The following SHISA6 variants were observed in gnomAD, a reference collection of about 807,000 sequenced individuals.
SHISA6 encodes shisa family member 6.
SHISA6 carries 22 observed loss-of-function variants against 47.9 expected under a neutral mutation model. That is an observed-to-expected ratio of 0.46 (90% confidence interval 0.33 to 0.66). The LOEUF is 0.66. Ranked by LOEUF, SHISA6 falls within the 30% of genes least tolerant of loss-of-function variation. The probability of loss-of-function intolerance (pLI) is 0.02; values close to 1 mark genes in which losing one functional copy is unlikely to be tolerated. For missense variants in SHISA6, 680 were observed against 764.6 expected (o/e 0.89, Z 1.30); for synonymous variants, 388 against 337.8 (o/e 1.15, Z -1.63).
chr17:11,276,812 T>C (rs1400035082), intron 2 of SHISA6, among the ~76,000 whole-genome samples: 5 of 152,180 alleles, frequency 3.3e-5, no homozygotes, highest in Non-Finnish European at 7.3e-5. Context: ...GTTGCCAATA[T>C]TATGACTCTT....
At chr17:11,430,465 C>G (rs1914737193) in intron 3 of SHISA6, among the ~76,000 whole-genome samples, 1 of 152,192 alleles carries the variant, frequency 6.6e-6, no homozygotes, top group African/African-American at 2.4e-5. Context: ...CCACAATGAA[C>G]ATGTTGCACG....
At chr17:11,439,908 A>G (rs556024452) in intron 3 of SHISA6, among the ~76,000 whole-genome samples, 2 of 151,978 alleles carry the variant, frequency 1.3e-5, no homozygotes, top group South Asian at 2.1e-4. Flanking sequence ...GAGGACATTC[A>G]CTCTCTATTT....
chr17:11,342,647 C>T (rs1449585185), intron 2 of SHISA6, among the ~76,000 whole-genome samples: 9 of 152,152 alleles, frequency 5.9e-5, no homozygotes, highest in Admixed American at 5.9e-4. Flanking sequence ...AGGATTGTCC[C>T]AAAATAAACA....
intron 3 of SHISA6, among the ~76,000 whole-genome samples, chr17:11,536,021 T>G (rs182173591): frequency 7.2e-4 from 110 of 151,910 alleles, no homozygotes; most frequent in African/African-American, 2.0e-3. Context: ...TAGATATATA[T>G]AGAGAGAGAA....
chr17:11,298,496 C>T (rs141267224), intron 2 of SHISA6, among the ~76,000 whole-genome samples: 1 of 152,324 alleles, frequency 6.6e-6, no homozygotes, highest in Non-Finnish European at 1.5e-5. Flanking sequence ...AGCCTGGAGC[C>T]TGTTGGACAT....
intron 5 of SHISA6, among the ~76,000 whole-genome samples, chr17:11,557,308 AT>A (rs2071991009): frequency 6.6e-6 from 1 of 152,232 alleles, no homozygotes; most frequent in African/African-American, 2.4e-5. Context: ...AGTAAGACAG[AT>A]AGTCATTCTG....
intron 2 of SHISA6, among the ~76,000 whole-genome samples, chr17:11,290,964 T>G (rs1909514476): frequency 6.6e-6 from 1 of 151,758 alleles, no homozygotes; most frequent in African/African-American, 2.4e-5. Flanking sequence ...TCTGCTAGGT[T>G]CCATTTATTA....
chr17:11,459,729 T>C (rs1915649648), intron 3 of SHISA6, among the ~76,000 whole-genome samples: 3 of 152,222 alleles, frequency 2.0e-5, no homozygotes, highest in Admixed American at 1.3e-4. Flanking sequence ...AGTCTGTATA[T>C]GAAACACAGA....
chr17:11,371,106 GCT>G (rs1912618233), intron 2 of SHISA6, among the ~76,000 whole-genome samples: 1 of 152,216 alleles, frequency 6.6e-6, no homozygotes, highest in South Asian at 2.1e-4. Context: ...CCCAGTTGCT[GCT>G]CTCTGGAGAT....
At chr17:11,455,515 G>T (rs989565307) in intron 3 of SHISA6, among the ~76,000 whole-genome samples, 2 of 150,822 alleles carry the variant, frequency 1.3e-5, no homozygotes, top group African/African-American at 4.9e-5. Flanking sequence ...ATGGAAGTGT[G>T]TGTACAAGCG....
intron 2 of SHISA6, among the ~76,000 whole-genome samples, chr17:11,292,739 G>A (rs1909596950): frequency 6.6e-6 from 1 of 151,884 alleles, no homozygotes; most frequent in African/African-American, 2.4e-5. Context: ...TCCTTCCGGT[G>A]GGATACATAA....
rs1038670980 is a variant in SHISA6 at position 11,422,706 on chromosome 17, T to C, written c.895+43197T>C. Reference sequence around the variant, plus strand: ...GGAACCCATGAGGCAAAAGTTGCAGTGATCCAAGATCCCGCCACTGCACTC... The same window carrying C: ...GGAACCCATGAGGCAAAAGTTGCAGCGATCCAAGATCCCGCCACTGCACTC... On this transcript the variant is annotated intron_variant, in intron 3 of 5. Coordinates refer to ENST00000441885, the MANE Select transcript of SHISA6 (RefSeq NM_207386.4). Among the ~76,000 whole-genome samples the C allele has an allele frequency of 3.5e-4, 53 of 150,338 alleles. 1 individual carries two copies. The highest frequency in any genetic ancestry group is 1.2e-3 in the African/African-American group (47 of 40,768).
intron 3 of SHISA6, among the ~76,000 whole-genome samples, chr17:11,513,617 T>C (rs2071559538): frequency 6.6e-6 from 1 of 152,204 alleles, no homozygotes; most frequent in Non-Finnish European, 1.5e-5. Flanking sequence ...TTATTGACTC[T>C]TCCTAGCCTG....
chr17:11,512,436 T>G (rs2071548798), intron 3 of SHISA6, among the ~76,000 whole-genome samples: 1 of 152,254 alleles, frequency 6.6e-6, no homozygotes, highest in African/African-American at 2.4e-5. Flanking sequence ...TGGTGAATCC[T>G]GTTCTTTGTT....
At chr17:11,272,981 G>A (rs1158753437) in intron 2 of SHISA6, among the ~76,000 whole-genome samples, 1 of 152,182 alleles carries the variant, frequency 6.6e-6, no homozygotes, top group East Asian at 1.9e-4. Context: ...TCGTGCCCCT[G>A]GCCTGCCAGA....
At chr17:11,390,787 T>C (rs145214018) in intron 3 of SHISA6, among the ~76,000 whole-genome samples, 4 of 152,254 alleles carry the variant, frequency 2.6e-5, no homozygotes, top group African/African-American at 9.6e-5. Flanking sequence ...TCCAGTGACC[T>C]GTTCTAGATA....
intron 3 of SHISA6, among the ~76,000 whole-genome samples, chr17:11,475,809 G>C (rs1417966905): frequency 6.6e-6 from 1 of 152,020 alleles, no homozygotes; most frequent in Non-Finnish European, 1.5e-5. Flanking sequence ...CTCACAGAAT[G>C]AGTTAGGAAG....
At chr17:11,554,697 A>G (rs1288206869) in intron 4 of SHISA6, among the ~76,000 whole-genome samples, 4 of 152,082 alleles carry the variant, frequency 2.6e-5, no homozygotes, top group African/African-American at 7.2e-5. Flanking sequence ...TGGTACCACC[A>G]TTTCCCATGG....
At chr17:11,399,674 G>A (rs922965463) in intron 3 of SHISA6, among the ~76,000 whole-genome samples, 1 of 152,084 alleles carries the variant, frequency 6.6e-6, no homozygotes, top group Admixed American at 6.6e-5. Context: ...TGCCTGTCTC[G>A]GCCTCCCAAA....
Sources: gnomAD v4.1 joint callset for allele counts (sites outside exome capture counted in the v4.1 genomes callset) on GRCh38, gnomAD v4.1.1 for gene constraint, MANE v1.5 for transcripts, NCBI Gene and HGNC (gene_info 2026-07-23, HGNC 2026-07-21) for gene names.